KLF8: variants seen among roughly 807,000 people sequenced by gnomAD.
KLF8 encodes the protein Krueppel-like factor 8.
In KLF8, 10 loss-of-function variants were observed where a neutral mutation model predicts 18.2. That is an observed-to-expected ratio of 0.55 (90% CI 0.34 to 0.93). The LOEUF (loss-of-function observed/expected upper bound fraction) is 0.93. KLF8 is among the 40% of genes least tolerant of loss of function. The pLI is 0.02. For synonymous variants in KLF8, 109 were observed against 97.3 expected (o/e 1.12, Z -0.71); for missense variants, 264 against 277.9 (o/e 0.95, Z 0.36).
At chrX:56,218,354 A>G in the KLF8 span, among the ~76,000 whole-genome samples, 1 of 110,953 alleles carries the variant, frequency 9.0e-6, no homozygotes, top group Non-Finnish European at 1.9e-5. Context: ...TCAGTAACAG[A>G]TATATCTTGG....
the KLF8 span, among the ~76,000 whole-genome samples, chrX:55,913,708 C>T: frequency 8.9e-6 from 1 of 111,752 alleles, no homozygotes; most frequent in African/African-American, 3.3e-5. Flanking sequence ...GGTGACACTT[C>T]GTCATAGCAG....
chrX:56,218,658 C>G, the KLF8 span, among the ~76,000 whole-genome samples: 1 of 112,109 alleles, frequency 8.9e-6, no homozygotes, highest in Non-Finnish European at 1.9e-5. Context: ...TTTACAGTAA[C>G]TAGTCATAAA....
the KLF8 span, chrX:55,961,562 T>A: frequency 1.9e-6 from 1 of 527,197 alleles, no homozygotes. Context: ...AATAGTGAAG[T>A]GTTGAAAAAT....
chrX:56,067,161 G>T, the KLF8 span, among the ~76,000 whole-genome samples: 2 of 105,204 alleles, frequency 1.9e-5, no homozygotes, highest in Non-Finnish European at 4.0e-5. Flanking sequence ...TTGTGTGGTA[G>T]AAGCTTTAAG....
the KLF8 span, among the ~76,000 whole-genome samples, chrX:55,978,226 C>G: frequency 0.53 from 58,203 of 109,800 alleles, 13,703 homozygotes; most frequent in East Asian, 0.75. Context: ...CAATTACCCT[C>G]TTAACTATGA....
intron 5 of KLF8, among the ~76,000 whole-genome samples, chrX:56,276,900 C>T (rs2067130200): frequency 9.0e-6 from 1 of 111,497 alleles, no homozygotes; most frequent in Non-Finnish European, 1.9e-5. Flanking sequence ...CTTTTTGAGG[C>T]TATTTTCTAG....
chrX:56,197,008 G>A, the KLF8 span, among the ~76,000 whole-genome samples: 5 of 111,960 alleles, frequency 4.5e-5, no homozygotes, highest in Admixed American at 2.8e-4. Flanking sequence ...GGGTAGTAAC[G>A]AAATGAAGGC....
At chrX:56,042,531 G>A in the KLF8 span, among the ~76,000 whole-genome samples, 1 of 111,196 alleles carries the variant, frequency 9.0e-6, no homozygotes, top group Non-Finnish European at 1.9e-5. Flanking sequence ...CTGGAATGTG[G>A]GCATATATAT....
chrX:55,946,523 C>T, the KLF8 span, among the ~76,000 whole-genome samples: 146 of 111,566 alleles, frequency 1.3e-3, no homozygotes, highest in Non-Finnish European at 2.4e-3. Context: ...GACCTCAAAC[C>T]ATAAAAACCC....
At chrX:56,284,167 CT>C (rs778447581) in intron 5 of KLF8, 145 bp from the exon 6 acceptor site, 32 of 414,520 alleles carry the variant, frequency 7.7e-5, no homozygotes, top group South Asian at 7.0e-4. Flanking sequence ...AATTAATTAA[CT>C]TAAAAGATTT....
chrX:56,274,374 A>G (rs1283491062), intron 5 of KLF8, among the ~76,000 whole-genome samples: 1 of 111,768 alleles, frequency 8.9e-6, no homozygotes, highest in African/African-American at 3.3e-5. Flanking sequence ...TTTTTCTCCT[A>G]TAGAGTTTTT....
the KLF8 span, among the ~76,000 whole-genome samples, chrX:56,083,969 G>A: frequency 1.8e-5 from 2 of 111,879 alleles, no homozygotes; most frequent in Admixed American, 1.9e-4. Context: ...CTGATCTAGA[G>A]TGCATAGAAA....
At chrX:55,941,435 A>G in the KLF8 span, among the ~76,000 whole-genome samples, 2 of 111,743 alleles carry the variant, frequency 1.8e-5, no homozygotes, top group Non-Finnish European at 3.8e-5. Context: ...AAACCTAGGC[A>G]TTACCATTCA....
the KLF8 span, among the ~76,000 whole-genome samples, chrX:56,194,460 G>A: frequency 1.8e-5 from 2 of 112,091 alleles, no homozygotes; most frequent in African/African-American, 6.5e-5. Flanking sequence ...CTCACTTCTT[G>A]TGCAGTAGTC....
the KLF8 span, among the ~76,000 whole-genome samples, chrX:56,058,285 T>TACATATATATACATATATATAC: frequency 7.0e-5 from 3 of 42,837 alleles, no homozygotes; most frequent in Non-Finnish European, 1.2e-4. Flanking sequence ...TATACATATA[T>TACATATATATACATATATATAC]ATATATATAT....
chrX:56,189,913 T>G, the KLF8 span, among the ~76,000 whole-genome samples: 1 of 103,653 alleles, frequency 9.6e-6, no homozygotes, highest in Non-Finnish European at 2.0e-5. Flanking sequence ...GAGATATACC[T>G]AATGCTAAAT....
chrX:56,056,558 C>G, the KLF8 span, among the ~76,000 whole-genome samples: 2 of 96,381 alleles, frequency 2.1e-5, no homozygotes, highest in African/African-American at 7.8e-5. Context: ...AACAAAAAAC[C>G]AAACACCGCA....
chrX:55,991,369 G>A, the KLF8 span, among the ~76,000 whole-genome samples: 3 of 111,972 alleles, frequency 2.7e-5, no homozygotes, highest in African/African-American at 9.7e-5. Flanking sequence ...CAGTATTAGG[G>A]TGGGAGTGAC....
the KLF8 span, among the ~76,000 whole-genome samples, chrX:56,034,150 C>A: frequency 1.8e-5 from 2 of 111,471 alleles, no homozygotes; most frequent in Non-Finnish European, 3.8e-5. Flanking sequence ...ATTTTCAGGT[C>A]TTTTCTTTAA....
Sources: gnomAD v4.1 joint callset for allele counts (sites outside exome capture counted in the v4.1 genomes callset) on GRCh38, gnomAD v4.1.1 for gene constraint, MANE v1.5 for transcripts, NCBI Gene and HGNC (gene_info 2026-07-23, HGNC 2026-07-21) for gene names.